DTNBP1: variants seen among roughly 807,000 people sequenced by gnomAD.
DTNBP1 encodes dystrobrevin binding protein 1.
Under a neutral mutation model 42.8 loss-of-function variants are expected in DTNBP1, and 35 were observed. The observed-to-expected ratio is 0.82, with a 90% CI of 0.63 to 1.09. The LOEUF is 1.09. Among genes scored for constraint, DTNBP1 ranks in the 50% least tolerant of loss-of-function variants. The probability of loss-of-function intolerance (pLI) is 0.00; values close to 1 mark genes in which losing one functional copy is unlikely to be tolerated. For synonymous variants in DTNBP1, 171 were observed against 162.2 expected, an observed-to-expected ratio of 1.05 and a Z score of -0.41; for missense variants, 457 against 424.2, an observed-to-expected ratio of 1.08 and a Z score of -0.68.
intron 7 of DTNBP1, among the ~76,000 whole-genome samples, chr6:15,585,279 G>A (rs936500536): frequency 6.6e-6 from 1 of 151,084 alleles, no homozygotes; most frequent in African/African-American, 2.4e-5. Context: ...GAACATACTA[G>A]CAGCAAGGGA....
intron 3 of DTNBP1, among the ~76,000 whole-genome samples, chr6:15,640,937 T>C (rs1005284853): frequency 6.6e-6 from 1 of 152,200 alleles, no homozygotes; most frequent in African/African-American, 2.4e-5. Flanking sequence ...ACACGGCTTA[T>C]GAAAGTCAAG....
At chr6:15,662,088 T>C (rs1761668398) in intron 1 of DTNBP1, among the ~76,000 whole-genome samples, 2 of 152,136 alleles carry the variant, frequency 1.3e-5, no homozygotes, top group East Asian at 1.9e-4. Context: ...GGTCAACAGG[T>C]AGGGGGTGAG....
chr6:15,532,088 G>A (rs543231677), intron 8 of DTNBP1, among the ~76,000 whole-genome samples: 1 of 152,190 alleles, frequency 6.6e-6, no homozygotes, highest in Non-Finnish European at 1.5e-5. Flanking sequence ...GATTTGGGGG[G>A]TGAGGGAGGT....
At chr6:15,590,713 T>G (rs899933439) in intron 7 of DTNBP1, among the ~76,000 whole-genome samples, 3 of 152,170 alleles carry the variant, frequency 2.0e-5, no homozygotes, top group Non-Finnish European at 4.4e-5. Context: ...AATATTAAAA[T>G]AAGAACAACA....
chr6:15,596,764 G>A (rs1406393487), intron 6 of DTNBP1, among the ~76,000 whole-genome samples: 1 of 152,140 alleles, frequency 6.6e-6, no homozygotes, highest in African/African-American at 2.4e-5. Context: ...AGACTCATAT[G>A]CAACTGCCCA....
At chr6:15,635,549 C>T (rs1455828560) in intron 4 of DTNBP1, among the ~76,000 whole-genome samples, 1 of 152,230 alleles carries the variant, frequency 6.6e-6, no homozygotes, top group Non-Finnish European at 1.5e-5. Flanking sequence ...CCTACACTGT[C>T]TTTCCCTCAT....
At chr6:15,634,077 T>C (rs1581417777) in intron 4 of DTNBP1, among the ~76,000 whole-genome samples, 1 of 152,320 alleles carries the variant, frequency 6.6e-6, no homozygotes, top group Middle Eastern at 3.4e-3. Context: ...CATTCAATCT[T>C]TCTGTGTCCT....
Position 15,651,329 on chromosome 6 carries a change from A to T in DTNBP1, c.145T>A (p.Leu49Ile). 1 of 1,612,034 alleles carries T rather than the reference A, an allele frequency of 6.2e-7. No homozygotes were observed. The highest frequency in any genetic ancestry group is 1.1e-5 in the South Asian group (1 of 90,974). ...AACACTTACCTGCTAAGTAATTCTA[A>T]TCCAGCAGAGTACTTTGGCAAAAAT... ...VPFLPKYSAG[L>I]ELLSRYEDTW... The change falls in exon 3 of 10, where the codon TTA (leucine) becomes ATA (isoleucine). Residue 49 changes from leucine (L) to isoleucine (I), a missense_variant. Physicochemically the swap from Leu to Ile is conservative, Grantham distance 5. Transcript: ENST00000344537.
chr6:15,585,315 A>T (rs574019801), intron 7 of DTNBP1, among the ~76,000 whole-genome samples: 1 of 151,788 alleles, frequency 6.6e-6, no homozygotes, highest in Admixed American at 6.6e-5. Context: ...ATGGAGCTGT[A>T]CCAGCCTCAT....
chr6:15,588,148 T>C (rs570322599), intron 7 of DTNBP1, among the ~76,000 whole-genome samples: 96 of 152,358 alleles, frequency 6.3e-4, no homozygotes, highest in Admixed American at 1.3e-3. Flanking sequence ...AATGAAATAT[T>C]AATTCAGCAA....
rs77496052 is a variant in DTNBP1, at chr6:15,612,695, C to T, written c.488+2572G>A. 4.5e-3 allele frequency among the ~76,000 whole-genome samples: 682 copies of T among 152,256 alleles called. 5 individuals carry two copies. The highest frequency in any genetic ancestry group is 0.016 in the African/African-American group (658 of 41,544). ...CTATAATGTACTGTACTATTATTAT[C>T]CCCATTTCACACACGAGAAAACCAC... On this transcript the variant is annotated intron_variant, in intron 6 of 9. Transcript: ENST00000344537.
intron 3 of DTNBP1, among the ~76,000 whole-genome samples, chr6:15,638,791 T>C (rs576545647): frequency 7.3e-5 from 11 of 151,416 alleles, no homozygotes; most frequent in Non-Finnish European, 1.5e-4. Flanking sequence ...TACAAGGAAA[T>C]AGAAAAATCC....
At chr6:15,551,180 G>A (rs144348147) in intron 7 of DTNBP1, among the ~76,000 whole-genome samples, 41 of 152,230 alleles carry the variant, frequency 2.7e-4, no homozygotes, top group African/African-American at 9.9e-4. Flanking sequence ...CAGCAGCTGG[G>A]AGACAGGACA....
At chr6:15,608,340 TATAA>T (rs532286625) in intron 6 of DTNBP1, among the ~76,000 whole-genome samples, 32 of 152,154 alleles carry the variant, frequency 2.1e-4, no homozygotes, top group East Asian at 1.9e-3. Flanking sequence ...TAATTCAAGT[TATAA>T]ATAAATAAAT....
chr6:15,663,058 G>T (rs898925112), upstream of DTNBP1: 18 of 705,120 alleles, frequency 2.6e-5, no homozygotes, highest in Admixed American at 4.4e-5. Context: ...CCCCGCGCGC[G>T]CCAGGCTCGC....
chr6:15,643,480 GACAA>G (rs1760494601), intron 3 of DTNBP1, among the ~76,000 whole-genome samples: 1 of 151,926 alleles, frequency 6.6e-6, no homozygotes, highest in Non-Finnish European at 1.5e-5. Context: ...ACATCCCCGA[GACAA>G]ACAGTCATCA....
At chr6:15,656,333 T>G (rs1368114249) in intron 1 of DTNBP1, among the ~76,000 whole-genome samples, 1 of 152,246 alleles carries the variant, frequency 6.6e-6, no homozygotes, top group Non-Finnish European at 1.5e-5. Flanking sequence ...ACAACTATTT[T>G]CTACTAATGA....
chr6:15,643,908 TATCAA>T (rs1760521907), intron 3 of DTNBP1, among the ~76,000 whole-genome samples: 1 of 151,910 alleles, frequency 6.6e-6, no homozygotes, highest in African/African-American at 2.4e-5. Context: ...CTAACAACAC[TATCAA>T]AGGAATAAAA....
At chr6:15,576,769 TAAA>T (rs34473285) in intron 7 of DTNBP1, among the ~76,000 whole-genome samples, 9 of 99,094 alleles carry the variant, frequency 9.1e-5, no homozygotes, top group African/African-American at 1.5e-4. Context: ...ACTCTGTCTC[TAAA>T]AAAAAAAAAA....
Sources: gnomAD v4.1 joint callset for allele counts (sites outside exome capture counted in the v4.1 genomes callset) on GRCh38, gnomAD v4.1.1 for gene constraint, MANE v1.5 for transcripts, NCBI Gene and HGNC (gene_info 2026-07-23, HGNC 2026-07-21) for gene names.